The following PLEKHM3 variants were observed in gnomAD, a reference collection of about 807,000 sequenced individuals.
PLEKHM3 encodes the protein pleckstrin homology domain-containing family M member 3.
In PLEKHM3, 45 loss-of-function variants were observed where a neutral mutation model predicts 81.8. The observed-to-expected ratio is 0.55, with a 90% CI of 0.43 to 0.71. The LOEUF is 0.71. Among genes scored for constraint, PLEKHM3 ranks in the 30% least tolerant of loss-of-function variants. The pLI, the probability that PLEKHM3 is intolerant of heterozygous loss-of-function variation, is 0.00. For synonymous variants in PLEKHM3, 352 were observed against 356.4 expected, an observed-to-expected ratio of 0.99 and a Z score of 0.14; for missense variants, 788 against 924.3, an observed-to-expected ratio of 0.85 and a Z score of 1.91.
intron 6 of PLEKHM3, among the ~76,000 whole-genome samples, chr2:207,875,631 G>C (rs1360687912): frequency 1.3e-5 from 2 of 152,306 alleles, no homozygotes; most frequent in East Asian, 3.9e-4. Flanking sequence ...GGTCCTCAAA[G>C]AGAAACACTG....
intron 7 of PLEKHM3, among the ~76,000 whole-genome samples, chr2:207,860,151 CTGTGTGTGTGTGTGTGTGTGTGTGTGTG>C (rs55739776): frequency 2.7e-3 from 294 of 110,758 alleles, no homozygotes; most frequent in Non-Finnish European, 2.4e-3. Context: ...AACTCTGCCT[CTGTGTGTGTGTGTGTGTGTGTGTGTGTG>C]TGTGTGTGTG....
rs570162144 is a variant in PLEKHM3, at chr2:208,012,428, C to T, written c.-318-10471G>A. 8.5e-5 allele frequency among the ~76,000 whole-genome samples: 13 copies of T among 152,300 alleles called. No homozygotes were observed. The South Asian group carries it at 1.7e-3, about 19-fold the overall frequency. ...ATTGTAGTTCCCAAAGAAAAGAAAA[C>T]GAAGTTCCTCAAATCCTTGTCTAAT... On this transcript the variant is annotated intron_variant, in intron 1 of 7. Coordinates refer to ENST00000427836, the MANE Select transcript of PLEKHM3 (RefSeq NM_001080475.3).
At chr2:207,908,609 GT>G (rs1422126472) in intron 5 of PLEKHM3, 32 bp from the exon 6 acceptor site, 2 of 1,553,642 alleles carry the variant, frequency 1.3e-6, no homozygotes, top group Non-Finnish European at 1.8e-6. Flanking sequence ...CAAGTGAACT[GT>G]GGTGCTGCCA....
chr2:207,879,129 A>T (rs1054599475), intron 6 of PLEKHM3, among the ~76,000 whole-genome samples: 1 of 152,132 alleles, frequency 6.6e-6, no homozygotes, highest in East Asian at 1.9e-4. Flanking sequence ...AACTTCCCCA[A>T]ATGAGTATTA....
intron 7 of PLEKHM3, among the ~76,000 whole-genome samples, chr2:207,837,693 C>A (rs956339732): frequency 2.5e-5 from 3 of 121,078 alleles, no homozygotes; most frequent in Admixed American, 2.2e-4. Flanking sequence ...ACCTCGTGAT[C>A]TGCCCACCTC....
chr2:207,857,097 C>T (rs1167817313), intron 7 of PLEKHM3, among the ~76,000 whole-genome samples: 1 of 152,070 alleles, frequency 6.6e-6, no homozygotes, highest in African/African-American at 2.4e-5. Context: ...TAACTATATG[C>T]TTAGGGATTT....
chr2:207,864,816 C>T (rs12622006), intron 6 of PLEKHM3, among the ~76,000 whole-genome samples: 37,254 of 152,078 alleles, frequency 0.24, 4,827 homozygotes, highest in Non-Finnish European at 0.3. Flanking sequence ...TTCAGTCTTC[C>T]TTTAAAACAA....
chr2:207,992,920 G>C (rs1249536500), intron 2 of PLEKHM3, among the ~76,000 whole-genome samples: 2 of 152,044 alleles, frequency 1.3e-5, no homozygotes, highest in Non-Finnish European at 2.9e-5. Flanking sequence ...TGGCAAAAAG[G>C]TTCAAAAGCA....
chr2:207,886,195 G>C (rs1687879743), intron 6 of PLEKHM3, among the ~76,000 whole-genome samples: 1 of 152,160 alleles, frequency 6.6e-6, no homozygotes, highest in Non-Finnish European at 1.5e-5. Flanking sequence ...CTAAATATAT[G>C]TGATATTATT....
At chr2:207,925,528 T>C (rs1378137885) in intron 5 of PLEKHM3, among the ~76,000 whole-genome samples, 1 of 152,180 alleles carries the variant, frequency 6.6e-6, no homozygotes, top group Non-Finnish European at 1.5e-5. Flanking sequence ...CCTTATGAGG[T>C]GGTATTGTCT....
At chr2:208,017,077 T>C (rs1265775459) in intron 1 of PLEKHM3, among the ~76,000 whole-genome samples, 2 of 152,210 alleles carry the variant, frequency 1.3e-5, no homozygotes, top group African/African-American at 2.4e-5. Context: ...ATTCAGCATT[T>C]AGCAAACTCA....
At chr2:207,902,331 TAACTC>T (rs1688458113) in intron 6 of PLEKHM3, among the ~76,000 whole-genome samples, 1 of 152,204 alleles carries the variant, frequency 6.6e-6, no homozygotes, top group African/African-American at 2.4e-5. Context: ...CCGTGCAAAA[TAACTC>T]ACATCACTTC....
chr2:207,977,662 A>T, intron 2 of PLEKHM3, 76 bp from the exon 3 acceptor site: 1 of 1,316,640 alleles, frequency 7.6e-7, no homozygotes, highest in South Asian at 1.4e-5. Flanking sequence ...CACACAGATC[A>T]GGGCACAAGA....
At chr2:207,954,268 A>G (rs1366041064) in intron 3 of PLEKHM3, among the ~76,000 whole-genome samples, 1 of 152,194 alleles carries the variant, frequency 6.6e-6, no homozygotes, top group Non-Finnish European at 1.5e-5. Flanking sequence ...AGGCAGGAGA[A>G]TACCTTGAGC....
chr2:207,999,750 G>A (rs932642482), intron 2 of PLEKHM3, among the ~76,000 whole-genome samples: 9 of 152,210 alleles, frequency 5.9e-5, no homozygotes, highest in African/African-American at 2.2e-4. Flanking sequence ...GAGTGGAAAA[G>A]ATTTGAAAAA....
At chr2:207,865,647 GTGTATGCC>G (rs2092491500) in intron 6 of PLEKHM3, among the ~76,000 whole-genome samples, 1 of 150,536 alleles carries the variant, frequency 6.6e-6, no homozygotes, top group Non-Finnish European at 1.5e-5. Context: ...GGGCATGGTG[GTGTATGCC>G]TGTAATCGCA....
At position 208,001,873 on chromosome 2, in the gene PLEKHM3, T is replaced by C. The variant is rs1346658772; in HGVS notation, c.-234A>G. ...ACAGATGTATAGGGAGACCAAATGTTCCTTTGAGATTATTCTTCAGTGAGA... is the reference window on the plus strand; with the variant it reads ...ACAGATGTATAGGGAGACCAAATGTCCCTTTGAGATTATTCTTCAGTGAGA... On this transcript the variant is annotated 5_prime_UTR_variant, in exon 2 of 8. Coordinates refer to ENST00000427836, the MANE Select transcript of PLEKHM3 (RefSeq NM_001080475.3). The C allele has an allele frequency of 3.6e-6, 2 of 550,066 alleles. No homozygotes were observed. Among genetic ancestry groups the C allele is most frequent in the Non-Finnish European group, 6.2e-6 (2 of 322,198 alleles). 34.1% of individuals were successfully genotyped at this position (550,066 alleles called of 1,614,324 possible). A position where few individuals can be genotyped will look rare whatever the true frequency, so the allele number is the denominator to read the frequency against.
intron 7 of PLEKHM3, among the ~76,000 whole-genome samples, chr2:207,859,664 C>G (rs1333694663): frequency 6.6e-6 from 1 of 151,544 alleles, no homozygotes; most frequent in Non-Finnish European, 1.5e-5. Flanking sequence ...GTGGCGTAAT[C>G]TCAGCTTACT....
At position 207,975,885 on chromosome 2, in the gene PLEKHM3, C is replaced by T. The variant is rs1165739610; in HGVS notation, c.1546+766G>A. Among the ~76,000 whole-genome samples the T allele has an allele frequency of 3.4e-5, 5 of 146,982 alleles. No individual in the cohort carries two copies. In the Admixed American group the frequency reaches 3.5e-4, roughly 10 times the overall value. Reference sequence around the variant, plus strand: ...GTGCTGGGATTTCAGGTGTGAGCCACTGCACCTGGCACAATTTTTTTTTTT... The same window carrying T: ...GTGCTGGGATTTCAGGTGTGAGCCATTGCACCTGGCACAATTTTTTTTTTT... On this transcript the variant is annotated intron_variant, in intron 3 of 7. Transcript: ENST00000427836.
Sources: allele counts gnomAD v4.1 joint callset (sites outside exome capture counted in the v4.1 genomes callset), GRCh38; gene constraint gnomAD v4.1.1; transcripts MANE v1.5; gene names NCBI Gene and HGNC (gene_info 2026-07-23, HGNC 2026-07-21).